The following ERC2 variants were observed in gnomAD, a reference collection of about 807,000 sequenced individuals.
The protein encoded by ERC2 is ERC protein 2.
Under a neutral mutation model 114.8 loss-of-function variants are expected in ERC2, and 42 were observed. The ratio of observed to expected loss-of-function variants is 0.37; its 90% CI spans 0.29 to 0.47. ERC2 has a LOEUF of 0.47. Among genes scored for constraint, ERC2 ranks in the 20% least tolerant of loss-of-function variants. ERC2 has a pLI of 0.99. For synonymous variants in ERC2, 454 were observed against 425.5 expected (o/e 1.07, Z -0.82); for missense variants, 939 against 1,150.7 (o/e 0.82, Z 2.66).
rs555949615 is a variant in ERC2, at chr3:55,914,191, A to T, written c.2404-25642T>A. Among the ~76,000 whole-genome samples, 384 of 152,212 alleles carry T rather than the reference A, an allele frequency of 2.5e-3. 2 individuals are homozygous for T. The highest frequency in any genetic ancestry group is 8.9e-3 in the African/African-American group (369 of 41,526). On this transcript the variant is annotated intron_variant, in intron 13 of 17. Coordinates refer to ENST00000288221, the MANE Select transcript of ERC2 (RefSeq NM_015576.3). ...ATGCAAAGATGTCTCTGAAATCTCT[A>T]GATATACACAGAAATTAGTCAACAA...
chr3:55,549,410 G>A (rs1198925970), intron 17 of ERC2, among the ~76,000 whole-genome samples: 1 of 151,740 alleles, frequency 6.6e-6, no homozygotes, highest in East Asian at 1.9e-4. Context: ...TGTCTCCCAG[G>A]CAGCTCTCCG....
chr3:55,556,234 CT>C (rs895567043), intron 17 of ERC2, among the ~76,000 whole-genome samples: 4 of 152,276 alleles, frequency 2.6e-5, no homozygotes, highest in Admixed American at 1.3e-4. Flanking sequence ...GGGTTAGGAC[CT>C]AAAATCTAGG....
At chr3:55,728,275 C>T (rs1043347333) in intron 15 of ERC2, among the ~76,000 whole-genome samples, 2 of 152,122 alleles carry the variant, frequency 1.3e-5, no homozygotes, top group Non-Finnish European at 2.9e-5. Flanking sequence ...ACTAGCAAGG[C>T]AGATAGCTAT....
intron 1 of ERC2, among the ~76,000 whole-genome samples, chr3:56,461,739 A>G (rs1431242095): frequency 3.9e-5 from 6 of 152,240 alleles, no homozygotes; most frequent in Non-Finnish European, 8.8e-5. Flanking sequence ...TGGCCTCAAC[A>G]TAAAGACACT....
At chr3:56,241,930 G>A (rs903484184) in intron 3 of ERC2, among the ~76,000 whole-genome samples, 42 of 152,136 alleles carry the variant, frequency 2.8e-4, no homozygotes, top group African/African-American at 9.4e-4. Flanking sequence ...TATTTTCTAT[G>A]GCTGCTGTTT....
intron 17 of ERC2, among the ~76,000 whole-genome samples, chr3:55,628,980 A>G (rs2059634414): frequency 6.6e-6 from 1 of 152,268 alleles, no homozygotes; most frequent in African/African-American, 2.4e-5. Flanking sequence ...GTTGAGAACC[A>G]GGAGCTTTGC....
At chr3:56,441,387 G>A (rs2062299596) in intron 1 of ERC2, among the ~76,000 whole-genome samples, 1 of 151,976 alleles carries the variant, frequency 6.6e-6, no homozygotes, top group Non-Finnish European at 1.5e-5. Flanking sequence ...GAATCAGGTG[G>A]GAAGTAAGAA....
chr3:55,828,483 G>C (rs1229573647), intron 14 of ERC2, among the ~76,000 whole-genome samples: 1 of 152,094 alleles, frequency 6.6e-6, no homozygotes, highest in Non-Finnish European at 1.5e-5. Context: ...AGGGGCAGCA[G>C]GGGCAGCAGG....
intron 12 of ERC2, among the ~76,000 whole-genome samples, chr3:55,963,436 G>A (rs2068529583): frequency 6.6e-6 from 1 of 152,132 alleles, no homozygotes; most frequent in Non-Finnish European, 1.5e-5. Context: ...CTTTTTGTAA[G>A]AGAAGGACAA....
At chr3:55,977,790 C>T (rs2069711041) in intron 12 of ERC2, among the ~76,000 whole-genome samples, 1 of 152,132 alleles carries the variant, frequency 6.6e-6, no homozygotes, top group Non-Finnish European at 1.5e-5. Flanking sequence ...TTATAGCAGA[C>T]TGCATGAGAG....
At chr3:55,571,516 C>G (rs79815547) in intron 17 of ERC2, among the ~76,000 whole-genome samples, 10,950 of 152,234 alleles carry the variant, frequency 0.072, 569 homozygotes, top group South Asian at 0.14. Flanking sequence ...AGGACAACAA[C>G]TACACCCCAG....
intron 2 of ERC2, among the ~76,000 whole-genome samples, chr3:56,376,909 A>G (rs1452315508): frequency 6.6e-6 from 1 of 152,174 alleles, no homozygotes; most frequent in African/African-American, 2.4e-5. Context: ...GGCTATTTCT[A>G]AAATATCATT....
intron 14 of ERC2, among the ~76,000 whole-genome samples, chr3:55,870,708 C>T (rs181067091): frequency 4.5e-4 from 69 of 152,272 alleles, no homozygotes; most frequent in Non-Finnish European, 5.9e-4. Context: ...TCCCAGGGGG[C>T]TAAGGAGCCC....
At chr3:55,734,023 T>A (rs1215074473) in intron 15 of ERC2, among the ~76,000 whole-genome samples, 1 of 152,218 alleles carries the variant, frequency 6.6e-6, no homozygotes, top group Non-Finnish European at 1.5e-5. Flanking sequence ...GAAAATTTCA[T>A]GGATGATTTT....
chr3:56,399,617 A>G (rs2060445329), intron 2 of ERC2, among the ~76,000 whole-genome samples: 1 of 152,224 alleles, frequency 6.6e-6, no homozygotes, highest in Admixed American at 6.5e-5. Flanking sequence ...GTTTCATATA[A>G]CAAGATTTTA....
At chr3:55,677,620 G>A (rs1440112369) in intron 17 of ERC2, among the ~76,000 whole-genome samples, 2 of 152,164 alleles carry the variant, frequency 1.3e-5, no homozygotes, top group African/African-American at 4.8e-5. Flanking sequence ...ATGGAGGGGA[G>A]AGACGGAAGG....
At chr3:56,140,443 T>G (rs1393999198) in intron 5 of ERC2, among the ~76,000 whole-genome samples, 3 of 152,216 alleles carry the variant, frequency 2.0e-5, no homozygotes, top group African/African-American at 7.2e-5. Context: ...TTTCCTACTT[T>G]GCTTTTTTTC....
At chr3:55,539,002 G>A (rs1212638079) in intron 17 of ERC2, among the ~76,000 whole-genome samples, 2 of 152,242 alleles carry the variant, frequency 1.3e-5, no homozygotes, top group East Asian at 3.9e-4. Flanking sequence ...AGTGGGAAAT[G>A]TTTCCCAAAT....
At chr3:55,746,810 TAATC>T (rs948183136) in intron 14 of ERC2, among the ~76,000 whole-genome samples, 1 of 152,222 alleles carries the variant, frequency 6.6e-6, no homozygotes, top group Admixed American at 6.5e-5. Context: ...GATTCAATGT[TAATC>T]AAAGCTGTTC....
Sources: gnomAD v4.1 joint callset for allele counts (sites outside exome capture counted in the v4.1 genomes callset) on GRCh38, gnomAD v4.1.1 for gene constraint, MANE v1.5 for transcripts, NCBI Gene and HGNC (gene_info 2026-07-23, HGNC 2026-07-21) for gene names.